Variants in ABCA8 observed in about 807,000 individuals in gnomAD.
ABCA8 encodes ABC-type organic anion transporter ABCA8.
Under a neutral mutation model 192.3 loss-of-function variants are expected in ABCA8, and 177 were observed. The ratio of observed to expected loss-of-function variants is 0.92; its 90% confidence interval spans 0.81 to 1.04. The LOEUF (loss-of-function observed/expected upper bound fraction) is 1.04. Ranked by LOEUF, ABCA8 falls within the 50% of genes least tolerant of loss-of-function variation. The pLI is 0.00. For missense variants in ABCA8, 1,915 were observed against 1,904.8 expected (o/e 1.01, Z -0.10); for synonymous variants, 642 against 690.2 (o/e 0.93, Z 1.09).
chr17:68,884,207 A>T (rs1207998146), intron 28 of ABCA8, 124 bp downstream of exon 28: 2 of 949,960 alleles, frequency 2.1e-6, no homozygotes, highest in African/African-American at 3.5e-5. Context: ...CAAGCATTAT[A>T]TCTCCTTGGG....
intron 37 of ABCA8, among the ~76,000 whole-genome samples, chr17:68,872,081 G>A (rs990420052): frequency 1.3e-5 from 2 of 152,018 alleles, no homozygotes; most frequent in Admixed American, 1.3e-4. Context: ...CCATTACTGG[G>A]TATATACCCA....
intron 32 of ABCA8, chr17:68,878,963 C>T (rs1413586015): frequency 6.6e-6 from 1 of 152,206 alleles, no homozygotes; most frequent in Admixed American, 6.5e-5. Context: ...GCCTTATATT[C>T]TGTTCTGTAC....
At chr17:68,908,297 G>A (rs749899551) in intron 17 of ABCA8, among the ~76,000 whole-genome samples, 37 of 152,136 alleles carry the variant, frequency 2.4e-4, no homozygotes, top group Admixed American at 8.5e-4. Context: ...TTGTTGTATC[G>A]CTTCAAAGGA....
At position 68,918,930 on chromosome 17, in the gene ABCA8, C is replaced by CAAAAAAAAA. The variant is rs34377045; in HGVS notation, c.1788+362_1788+370dup. Among the ~76,000 whole-genome samples, 17 of 45,946 alleles carry CAAAAAAAAA rather than the reference C, an allele frequency of 3.7e-4. 1 individual carries two copies. Among genetic ancestry groups the CAAAAAAAAA allele is most frequent in the East Asian group, 7.0e-4 (1 of 1,424 alleles). 30.1% of individuals were successfully genotyped at this position (45,946 alleles called of 152,430 possible). A position where few individuals can be genotyped will look rare whatever the true frequency, so the allele number is the denominator to read the frequency against. Reference sequence around the variant, plus strand: ...GGGCGACAAGAGCAAAACTCTGTCTCAAAAAAAAAAAAAAAAAAAAAAAAA... The same window carrying CAAAAAAAAA: ...GGGCGACAAGAGCAAAACTCTGTCTCAAAAAAAAAAAAAAAAAAAAAAAAAAAAAAAAAA... On this transcript the variant is annotated intron_variant, in intron 14 of 39. Transcript: ENST00000586539.
Position 68,894,273 on chromosome 17 carries a change from A to T in ABCA8, c.2936T>A (p.Leu979Ter). 6.2e-7 allele frequency: 1 copy of T among 1,612,070 alleles called. No homozygotes were observed. Among genetic ancestry groups the T allele is most frequent in the Non-Finnish European group, 8.5e-7 (1 of 1,179,522 alleles). ...SFSLACNAKR[L>*]NCFPVLMDIV... is the part of the protein sequence containing the mutation. ...GTCCATAAGAACTGGGAAGCAATTC[A>T]ATCTTTTGGCATTGCATGCTAACGA... Residue 979 changes from leucine (L) to a stop codon, truncating the protein, a stop_gained, in exon 23 of 40, where the codon TTG (leucine) becomes TAG (stop). Transcript: ENST00000586539. LOFTEE classifies it high-confidence loss of function.
Position 68,940,758 on chromosome 17 carries a change from C to T in ABCA8, c.301G>A (p.Gly101Ser). The change falls in exon 4 of 40, where the codon GGT becomes AGT. Residue 101 changes from glycine (G) to serine (S), a missense_variant and splice_region_variant. By Grantham distance (56) the Gly-to-Ser change is moderately conservative. Coordinates refer to ENST00000586539, the MANE Select transcript of ABCA8 (RefSeq NM_001288985.2). ...NKVASTPFLAGKEVLGLPDEE... is the reference protein window; with the variant it reads ...NKVASTPFLASKEVLGLPDEE... ...CTTCTTAAGTAACTAGAAAACTTAC[C>T]TGCCAGGAAGGGAGTAGAGGCTACT... 2 of 1,611,704 alleles carry T rather than the reference C, an allele frequency of 1.2e-6. No individual in the cohort carries two copies. The highest frequency in any genetic ancestry group is 1.1e-5 in the South Asian group (1 of 90,914).
At chr17:68,936,678 TATA>T (rs1184810379) in intron 5 of ABCA8, among the ~76,000 whole-genome samples, 3 of 152,104 alleles carry the variant, frequency 2.0e-5, no homozygotes, top group Admixed American at 2.0e-4. Flanking sequence ...ATATATTCCA[TATA>T]ATATCTATGT....
intron 4 of ABCA8, among the ~76,000 whole-genome samples, chr17:68,937,623 T>C (rs1391129075): frequency 1.3e-5 from 2 of 152,166 alleles, no homozygotes; most frequent in Non-Finnish European, 2.9e-5. Context: ...CTCTTTTCTG[T>C]AGGTATTTTG....
At chr17:68,873,605 T>C (rs1344387733) in intron 37 of ABCA8, among the ~76,000 whole-genome samples, 1 of 152,256 alleles carries the variant, frequency 6.6e-6, no homozygotes, top group South Asian at 2.1e-4. Flanking sequence ...TTTGTTGTCA[T>C]ATCCATGAAC....
chr17:68,927,909 T>C lies in ABCA8; in HGVS notation c.1273+7A>G. On this transcript the variant is annotated splice_region_variant and intron_variant, in intron 10 of 39. Coordinates refer to ENST00000586539, the MANE Select transcript of ABCA8 (RefSeq NM_001288985.2). Reference sequence around the variant, plus strand: ...TGATATATGATTTTAATCATATCATTACTCACTTGGCAAAATTTTTTCAAA... The same window carrying C: ...TGATATATGATTTTAATCATATCATCACTCACTTGGCAAAATTTTTTCAAA... The C allele has an allele frequency of 6.3e-7, 1 of 1,587,950 alleles. No homozygotes were observed. Among genetic ancestry groups the C allele is most frequent in the Admixed American group, 1.8e-5 (1 of 56,488 alleles).
chr17:68,908,246 C>T (rs1164078826), intron 17 of ABCA8, among the ~76,000 whole-genome samples: 4 of 152,060 alleles, frequency 2.6e-5, no homozygotes, highest in South Asian at 2.1e-4. Context: ...AAATGGATAA[C>T]GTTGCAGTTG....
Position 68,934,647 on chromosome 17 carries a change from G to A in ABCA8, c.467-1376C>T, listed in dbSNP as rs150136313. Among the ~76,000 whole-genome samples, 567 of 152,292 alleles carry A rather than the reference G, an allele frequency of 3.7e-3. 5 individuals carry two copies. Among genetic ancestry groups the A allele is most frequent in the African/African-American group, 0.013 (542 of 41,560 alleles). ...CTCTGGAAGAAGAGGAGAATAGGCTGCAAATCTTTAACACAGGTATGAGAG... is the reference window on the plus strand; with the variant it reads ...CTCTGGAAGAAGAGGAGAATAGGCTACAAATCTTTAACACAGGTATGAGAG... On this transcript the variant is annotated intron_variant, in intron 5 of 39. Coordinates refer to ENST00000586539, the MANE Select transcript of ABCA8 (RefSeq NM_001288985.2).
chr17:68,887,814 G>A (rs2066503748), intron 24 of ABCA8, among the ~76,000 whole-genome samples: 1 of 143,146 alleles, frequency 7.0e-6, no homozygotes, highest in African/African-American at 2.6e-5. Flanking sequence ...TGAATGGGAT[G>A]GACAGTTTAT....
At chr17:68,876,084 T>C (rs964166620) in intron 35 of ABCA8, among the ~76,000 whole-genome samples, 1 of 152,032 alleles carries the variant, frequency 6.6e-6, no homozygotes, top group African/African-American at 2.4e-5. Context: ...GAGAAGAAAA[T>C]AAAATGTACA....
intron 23 of ABCA8, among the ~76,000 whole-genome samples, chr17:68,892,365 T>C (rs1181504588): frequency 6.6e-6 from 1 of 152,056 alleles, no homozygotes; most frequent in Non-Finnish European, 1.5e-5. Context: ...CTGGGTAGGG[T>C]CAATACTTAG....
At chr17:68,935,084 C>CTT (rs546921061) in intron 5 of ABCA8, among the ~76,000 whole-genome samples, 24 of 132,088 alleles carry the variant, frequency 1.8e-4, no homozygotes, top group African/African-American at 5.6e-4. Context: ...ACTTTATCAC[C>CTT]TTTTTTTTTT....
At chr17:68,887,208 A>G (rs2066484956) in intron 25 of ABCA8, 78 bp from the exon 26 acceptor site, 3 of 1,354,114 alleles carry the variant, frequency 2.2e-6, no homozygotes, top group Admixed American at 4.5e-5. Context: ...AAACATTGTC[A>G]TAGCCCAGGA....
Position 68,907,722 on chromosome 17 carries a change from A to G in ABCA8, c.2278+18T>C, listed in dbSNP as rs183674300. 1.2e-4 allele frequency: 183 copies of G among 1,550,572 alleles called. No homozygotes were observed. The Admixed American group carries it at 3.5e-3, about 30-fold the overall frequency. ...CTATTATTCACATATTTTATTTCAC[A>G]GTGTTCATGCACATTACCTGGAAAT... On this transcript the variant is annotated intron_variant, in intron 18 of 39. Coordinates refer to ENST00000586539, the MANE Select transcript of ABCA8 (RefSeq NM_001288985.2).
At chr17:68,889,036 G>A (rs947802121) in intron 24 of ABCA8, among the ~76,000 whole-genome samples, 2 of 152,204 alleles carry the variant, frequency 1.3e-5, no homozygotes, top group African/African-American at 4.8e-5. Flanking sequence ...TTCCTGCGGA[G>A]GAAGTTTTAA....
Sources: allele counts gnomAD v4.1 joint callset (sites outside exome capture counted in the v4.1 genomes callset), GRCh38; gene constraint gnomAD v4.1.1; transcripts MANE v1.5; gene names NCBI Gene and HGNC (gene_info 2026-07-23, HGNC 2026-07-21).